ACAD8: variants seen among roughly 807,000 people sequenced by gnomAD.
ACAD8 encodes the protein isobutyryl-CoA dehydrogenase, mitochondrial.
A neutral mutation model predicts 53.1 loss-of-function variants in ACAD8; 47 were observed. That is an observed-to-expected ratio of 0.89 (90% CI 0.70 to 1.13). The LOEUF (loss-of-function observed/expected upper bound fraction) is 1.13, where lower values mean the gene tolerates loss of function less well. Among genes scored for constraint, ACAD8 ranks in the 50% most tolerant of loss-of-function variants. ACAD8 has a pLI of 0.00. For missense variants in ACAD8, 494 were observed against 535.0 expected (o/e 0.92, Z 0.76); for synonymous variants, 198 against 201.3 (o/e 0.98, Z 0.14).
chr11:134,262,878 G>A (rs1434304026), intron 10 of ACAD8: 2 of 1,375,348 alleles, frequency 1.5e-6, no homozygotes, highest in Non-Finnish European at 1.9e-6. Flanking sequence ...CGAGAAGGGT[G>A]AACTGAGATA....
In ACAD8 at chr11:134,265,510, G is replaced by A. The variant is rs1449389347; in HGVS notation, c.*550G>A. 1 of 155,056 alleles carries A rather than the reference G, an allele frequency of 6.4e-6. No individual in the cohort carries two copies. Among genetic ancestry groups the A allele is most frequent in the Non-Finnish European group, 1.4e-5 (1 of 69,740 alleles). 9.6% of individuals were successfully genotyped at this position (155,056 alleles called of 1,614,324 possible). ...ATATTTGGAAACTTACTCCTAAGCT[G>A]TGATTTAGGGTGTATTTCTACTTCT... On this transcript the variant is annotated 3_prime_UTR_variant, in exon 11 of 11. Transcript: ENST00000281182.
intron 10 of ACAD8, chr11:134,263,285 G>A: frequency 1.0e-6 from 1 of 1,001,312 alleles, no homozygotes; most frequent in Non-Finnish European, 1.2e-6. Context: ...GCAACGTGAG[G>A]CTGCCTTGCT....
At position 134,262,968 on chromosome 11, in the gene ACAD8, G is replaced by A; in HGVS notation, c.1195+346G>A. The A allele has an allele frequency of 4.0e-6, 5 of 1,238,394 alleles. No individual in the cohort carries two copies. In the South Asian group the frequency reaches 5.6e-5, roughly 14 times the overall value. The allele number at this position is 1,238,394 out of a possible 1,614,324, so 76.7% of individuals were successfully genotyped here. A position where few individuals can be genotyped will look rare whatever the true frequency, so the allele number is the denominator to read the frequency against. On this transcript the variant is annotated intron_variant, in intron 10 of 10. Transcript: ENST00000281182. ...GAGTACGTGGTTCTCAGGGATCCAA[G>A]AACAGTGATGGACAAGGCAAATGTG...
Position 134,257,182 on chromosome 11 carries a change from G to A in ACAD8, c.305G>A (p.Arg102His), listed in dbSNP as rs143823240. The A allele has an allele frequency of 1.9e-5, 31 of 1,614,174 alleles. No homozygotes were observed. Among genetic ancestry groups the A allele is most frequent in the South Asian group, 4.4e-5 (4 of 91,088 alleles). Residue 102 changes from arginine to histidine, a missense_variant, in exon 3 of 11, where the codon CGT becomes CAT. Transcript: ENST00000281182. The stretch of plus-strand genomic sequence containing the variant: ...GATGTGGGCGGGTCTGGGCTGTCAC[G>A]TCTTGATACCTCTGTCATTTTTGAA... ...QTDVGGSGLS[R>H]LDTSVIFEAL...
chr11:134,262,936 G>A (rs1202426789), intron 10 of ACAD8: 3 of 1,285,258 alleles, frequency 2.3e-6, no homozygotes, highest in Non-Finnish European at 3.0e-6. Context: ...TTTTCTCTAA[G>A]GTTATCGAGT....
chr11:134,260,537 AAC>A (rs1444002155), intron 6 of ACAD8: 3 of 205,600 alleles, frequency 1.5e-5, no homozygotes, highest in African/African-American at 4.7e-5. Context: ...TCTCTTTGGT[AAC>A]ACAGCAACCA....
Position 134,261,267 on chromosome 11 carries a change from C to G in ACAD8, c.842-8C>G, listed in dbSNP as rs201188279. 3,131 of 1,614,166 alleles carry G rather than the reference C, an allele frequency of 1.9e-3. 5 individuals are homozygous for G. The highest frequency in any genetic ancestry group is 2.4e-3 in the Non-Finnish European group (2,812 of 1,180,028). ...CTTGGTTGGAACGTCGGCGCTCTTC[C>G]CCTCTAGCTTCCTGCTCCCTGGGGG... On this transcript the variant is annotated splice_region_variant and splice_polypyrimidine_tract_variant and intron_variant, in intron 7 of 10. Coordinates refer to ENST00000281182, the MANE Select transcript of ACAD8 (RefSeq NM_014384.3). The surrounding 1 kb of genome is among the most constrained non-coding windows in gnomAD (Gnocchi z 4.2).
intron 5 of ACAD8, 82 bp downstream of exon 5, chr11:134,259,166 G>A (rs766693862): frequency 1.1e-5 from 14 of 1,242,798 alleles, no homozygotes; most frequent in Middle Eastern, 1.9e-4. Context: ...TCACATCCGC[G>A]GGTTAATACT....
At chr11:134,257,399 C>A in intron 3 of ACAD8, 142 bp downstream of exon 3, 2 of 1,077,242 alleles carry the variant, frequency 1.9e-6, no homozygotes, top group African/African-American at 1.6e-5. Context: ...AGGGGCCGGG[C>A]GCAGTGGCTC....
chr11:134,262,565 A>C lies in ACAD8; in HGVS notation c.1138A>C (p.Lys380Gln), dbSNP rs746357281. Residue 380 changes from lysine to glutamine, a missense_variant, in exon 10 of 11, where the codon AAG becomes CAG. Physicochemically the swap from Lys to Gln is moderately conservative, Grantham distance 53. Coordinates refer to ENST00000281182, the MANE Select transcript of ACAD8 (RefSeq NM_014384.3). ...LQMHGGYGYL[K>Q]DYAVQQYVRD... ...GATGCACGGGGGCTACGGCTACCTG[A>C]AGGATTACGCTGTTCAGCAGTACGT... 1 of 1,614,074 alleles carries C rather than the reference A, an allele frequency of 6.2e-7. No homozygotes were observed. The highest frequency in any genetic ancestry group is 2.2e-5 in the East Asian group (1 of 44,864).
chr11:134,262,906 T>C (rs901261553), intron 10 of ACAD8: 1 of 1,332,608 alleles, frequency 7.5e-7, no homozygotes, highest in Non-Finnish European at 9.8e-7. Context: ...AGAAAGCATG[T>C]TGAAAACCAC....
intron 6 of ACAD8, chr11:134,259,963 C>A (rs1939787709): frequency 7.1e-7 from 1 of 1,403,506 alleles, no homozygotes; most frequent in Admixed American, 2.2e-5. Context: ...CCAGTAAATT[C>A]TTCAAGCCAC....
At position 134,261,590 on chromosome 11, in the gene ACAD8, A is replaced by T; in HGVS notation, c.940-148A>T. The T allele has an allele frequency of 6.5e-7, 1 of 1,543,700 alleles. No homozygotes were observed. Among genetic ancestry groups the T allele is most frequent in the African/African-American group, 1.4e-5 (1 of 73,182 alleles). ...GAAGTGGACTTAGCACTTAAAAGCA[A>T]TAAATTTCCTCTATAGAAAAAGCAA... On this transcript the variant is annotated intron_variant, in intron 8 of 10. Coordinates refer to ENST00000281182, the MANE Select transcript of ACAD8 (RefSeq NM_014384.3). The surrounding 1 kb of genome is among the most constrained non-coding windows in gnomAD (Gnocchi z 4.2).
chr11:134,261,213 G>A lies in ACAD8; in HGVS notation c.841+34G>A, dbSNP rs372030555. 6.8e-6 allele frequency: 11 copies of A among 1,613,830 alleles called. No homozygotes were observed. Among genetic ancestry groups the A allele is most frequent in the East Asian group, 4.5e-5 (2 of 44,874 alleles). On this transcript the variant is annotated intron_variant, in intron 7 of 10. Transcript: ENST00000281182. This position sits in a 1 kb window ranked among gnomAD's most constrained non-coding sequence, Gnocchi z 4.2. The stretch of plus-strand genomic sequence containing the variant: ...CGCAGGGGTGTGGCAGGGAGGTAGC[G>A]GTCCGGGACAGGCACTGCTGTTTTC...
intron 2 of ACAD8, 126 bp from the exon 3 acceptor site, chr11:134,256,962 A>G: frequency 9.7e-7 from 1 of 1,028,848 alleles, no homozygotes; most frequent in Non-Finnish European, 1.5e-6. Context: ...TAAGATGACA[A>G]ACAGGCATAT....
Position 134,253,675 on chromosome 11 carries a change from G to T in ACAD8, c.75G>T (p.Gln25His). The T allele has an allele frequency of 1.9e-6, 3 of 1,600,344 alleles. No individual in the cohort carries two copies. The highest frequency in any genetic ancestry group is 2.6e-6 in the Non-Finnish European group (3 of 1,174,534). Residue 25 changes from glutamine (Q) to histidine (H), a missense_variant, in exon 1 of 11, where the codon CAG becomes CAT. Transcript: ENST00000281182. ...CLPGGLRVLV[Q>H]TGHRSLTSCI... ...CCGGCGGTCTCCGGGTCCTCGTCCA[G>T]ACCGGCCACCGGAGCTTGACCTCCT...
chr11:134,256,971 A>AT, intron 2 of ACAD8, 117 bp from the exon 3 acceptor site: 2 of 1,090,428 alleles, frequency 1.8e-6, no homozygotes, highest in Non-Finnish European at 2.8e-6. Context: ...AAACAGGCAT[A>AT]TTAAGAGAAT....
intron 6 of ACAD8, chr11:134,260,128 T>C: frequency 2.6e-6 from 3 of 1,164,386 alleles, no homozygotes; most frequent in Non-Finnish European, 3.2e-6. Context: ...TGGTCCCTTT[T>C]GCTTCTTTGA....
chr11:134,256,926 G>A, intron 2 of ACAD8, 162 bp from the exon 3 acceptor site: 1 of 776,768 alleles, frequency 1.3e-6, no homozygotes, highest in Non-Finnish European at 2.1e-6. Flanking sequence ...AGTTTTTACA[G>A]GACCCATGTT....
Sources: allele counts gnomAD v4.1 joint callset, GRCh38; gene constraint gnomAD v4.1.1; non-coding constraint Gnocchi (gnomAD v3.1); transcripts MANE v1.5; gene names NCBI Gene and HGNC (gene_info 2026-07-23, HGNC 2026-07-21).